Variants in KLF8 observed in about 807,000 individuals in gnomAD.
KLF8 encodes the protein Krueppel-like factor 8.
Under a neutral mutation model 18.2 loss-of-function variants are expected in KLF8, and 10 were observed. The ratio of observed to expected loss-of-function variants is 0.55; its 90% CI spans 0.34 to 0.93. The LOEUF is 0.93. Among genes scored for constraint, KLF8 ranks in the 40% least tolerant of loss-of-function variants. KLF8 has a pLI of 0.02. For synonymous variants in KLF8, 109 were observed against 97.3 expected (o/e 1.12, Z -0.71); for missense variants, 264 against 277.9 (o/e 0.95, Z 0.36).
chrX:56,037,609 C>T, the KLF8 span, among the ~76,000 whole-genome samples: 2 of 110,901 alleles, frequency 1.8e-5, no homozygotes, highest in African/African-American at 6.5e-5. Flanking sequence ...TTGGACTATT[C>T]AGGTTTTCTA....
At chrX:56,133,010 G>A in the KLF8 span, among the ~76,000 whole-genome samples, 1 of 111,197 alleles carries the variant, frequency 9.0e-6, no homozygotes, top group Non-Finnish European at 1.9e-5. Flanking sequence ...CAGTGAGATT[G>A]AAATGGTAAT....
At chrX:55,924,252 A>G in the KLF8 span, among the ~76,000 whole-genome samples, 1 of 109,864 alleles carries the variant, frequency 9.1e-6, no homozygotes, top group South Asian at 3.9e-4. Context: ...TTTTATTTTT[A>G]TTTTTTAGTA....
chrX:55,996,945 C>A, the KLF8 span, among the ~76,000 whole-genome samples: 1 of 112,093 alleles, frequency 8.9e-6, no homozygotes, highest in African/African-American at 3.2e-5. Flanking sequence ...GTGATGTTTG[C>A]GTACTCATGC....
the KLF8 span, among the ~76,000 whole-genome samples, chrX:56,042,911 A>G: frequency 8.9e-6 from 1 of 111,927 alleles, no homozygotes; most frequent in Admixed American, 9.5e-5. Flanking sequence ...GTTGCCTCAT[A>G]ATATCACTGG....
the KLF8 span, among the ~76,000 whole-genome samples, chrX:56,105,091 G>T: frequency 8.9e-6 from 1 of 111,760 alleles, no homozygotes; most frequent in African/African-American, 3.3e-5. Flanking sequence ...AGTTTGTTGT[G>T]ATTTGTGTTC....
the KLF8 span, among the ~76,000 whole-genome samples, chrX:56,212,810 A>C: frequency 4.9e-4 from 55 of 111,799 alleles, no homozygotes; most frequent in African/African-American, 1.8e-3. Context: ...TTGTGTGTAG[A>C]TAGTTAACTT....
chrX:56,106,387 C>T, the KLF8 span, among the ~76,000 whole-genome samples: 3 of 111,795 alleles, frequency 2.7e-5, no homozygotes, highest in Admixed American at 1.9e-4. Flanking sequence ...TCACATAGTC[C>T]CATATTTCTT....
chrX:56,183,681 C>T, the KLF8 span, among the ~76,000 whole-genome samples: 1 of 111,263 alleles, frequency 9.0e-6, no homozygotes, highest in African/African-American at 3.3e-5. Context: ...GAAATTAAAT[C>T]ATATCACCAG....
chrX:56,039,991 T>A, the KLF8 span, among the ~76,000 whole-genome samples: 2 of 111,329 alleles, frequency 1.8e-5, no homozygotes, highest in African/African-American at 3.3e-5. Flanking sequence ...ATATCAAATG[T>A]GAATGAGAGT....
At chrX:56,058,850 C>G in the KLF8 span, among the ~76,000 whole-genome samples, 1 of 111,470 alleles carries the variant, frequency 9.0e-6, no homozygotes, top group Non-Finnish European at 1.9e-5. Context: ...GATTTATAAG[C>G]CTTTGGGTGT....
At chrX:56,207,486 GC>G in the KLF8 span, among the ~76,000 whole-genome samples, 1 of 111,544 alleles carries the variant, frequency 9.0e-6, no homozygotes, top group African/African-American at 3.3e-5. Flanking sequence ...ACTACCAGAT[GC>G]CCTATATCAT....
the KLF8 span, among the ~76,000 whole-genome samples, chrX:56,075,361 T>G: frequency 9.0e-6 from 1 of 111,315 alleles, no homozygotes; most frequent in Non-Finnish European, 1.9e-5. Context: ...AGTAGCTTTT[T>G]AAATTTTTTT....
At chrX:56,027,533 A>G in the KLF8 span, among the ~76,000 whole-genome samples, 1 of 112,428 alleles carries the variant, frequency 8.9e-6, no homozygotes, top group African/African-American at 3.2e-5. Flanking sequence ...TCTTACCTTC[A>G]CTGAGTTCTA....
At chrX:56,047,190 T>C in the KLF8 span, among the ~76,000 whole-genome samples, 2 of 98,930 alleles carry the variant, frequency 2.0e-5, no homozygotes, top group Non-Finnish European at 4.1e-5. Flanking sequence ...TCTCTAAGTG[T>C]GTCCTTGATT....
At chrX:56,055,923 T>C in the KLF8 span, among the ~76,000 whole-genome samples, 1 of 112,121 alleles carries the variant, frequency 8.9e-6, no homozygotes, top group Non-Finnish European at 1.9e-5. Context: ...AGTTCAGTTA[T>C]ATTTCTTTCT....
chrX:56,060,761 A>T, the KLF8 span, among the ~76,000 whole-genome samples: 1 of 111,987 alleles, frequency 8.9e-6, no homozygotes, highest in African/African-American at 3.2e-5. Context: ...ATAGTTTCAG[A>T]AGGAATGGTA....
chrX:56,121,930 A>G, the KLF8 span, among the ~76,000 whole-genome samples: 36 of 112,201 alleles, frequency 3.2e-4, no homozygotes, highest in Non-Finnish European at 6.0e-4. Flanking sequence ...CATTTATGGA[A>G]TCAGTATCTA....
At chrX:56,151,255 G>A in the KLF8 span, among the ~76,000 whole-genome samples, 1 of 111,391 alleles carries the variant, frequency 9.0e-6, no homozygotes, top group African/African-American at 3.3e-5. Context: ...TTTAAGTAAG[G>A]TAGGGATGTA....
chrX:56,070,635 G>T, the KLF8 span, among the ~76,000 whole-genome samples: 1 of 110,761 alleles, frequency 9.0e-6, no homozygotes, highest in African/African-American at 3.3e-5. Flanking sequence ...ACCCAGGGAG[G>T]GGAATAACAC....
Sources: gnomAD v4.1 joint callset for allele counts (sites outside exome capture counted in the v4.1 genomes callset) on GRCh38, gnomAD v4.1.1 for gene constraint, MANE v1.5 for transcripts, NCBI Gene and HGNC (gene_info 2026-07-23, HGNC 2026-07-21) for gene names.